MYPN: variants seen among roughly 807,000 people sequenced by gnomAD.
MYPN encodes myopalladin, also known as sarcomeric protein myopalladin, 145 kDa (MYOP).
A neutral mutation model predicts 129.4 loss-of-function variants in MYPN; 63 were observed. That is an observed-to-expected ratio of 0.49 (90% CI 0.40 to 0.60). The LOEUF (loss-of-function observed/expected upper bound fraction) is 0.60. Among genes scored for constraint, MYPN ranks in the 20% least tolerant of loss-of-function variants. The pLI, the probability that MYPN is intolerant of heterozygous loss-of-function variation, is 0.00. For synonymous variants in MYPN, 629 were observed against 600.9 expected (o/e 1.05, Z -0.68); for missense variants, 1,596 against 1,635.4 (o/e 0.98, Z 0.42).
chr10:68,195,310 T>C (rs2043586016), intron 14 of MYPN, 140 bp from the exon 15 acceptor site: 1 of 722,936 alleles, frequency 1.4e-6, no homozygotes, highest in Non-Finnish European at 2.5e-6. Context: ...AAATCATATT[T>C]TATTGTTTTT....
At chr10:68,107,896 G>T (rs1288698777), upstream of MYPN, among the ~76,000 whole-genome samples, 3 of 152,102 alleles carry the variant, frequency 2.0e-5, no homozygotes, top group Admixed American at 6.6e-5. Flanking sequence ...TGAAATAGAG[G>T]TTCTATTCTC....
intron 1 of MYPN, among the ~76,000 whole-genome samples, chr10:68,089,588 G>A (rs746845991): frequency 3.3e-5 from 5 of 151,824 alleles, no homozygotes; most frequent in African/African-American, 4.8e-5. Flanking sequence ...CCCATGATTC[G>A]CCCGCTTCAG....
chr10:68,174,177 G>C lies in MYPN; in HGVS notation c.2085G>C (p.Leu695Phe). The part of the protein sequence containing the change: ...PKEFPFSMTV[L>F]NSNAPPAVTT... ...AGTTTCCTTTCAGCATGACTGTTTT[G>C]AACTCCAATGCTCCCCCAGCGGTGA... Residue 695 changes from leucine to phenylalanine, a missense_variant, in exon 11 of 20, where the codon TTG becomes TTC. Leu to Phe is a conservative substitution (Grantham distance 22, BLOSUM62 0). Transcript: ENST00000358913. The C allele has an allele frequency of 6.2e-7, 1 of 1,613,944 alleles. No individual in the cohort carries two copies. Among genetic ancestry groups the C allele is most frequent in the South Asian group, 1.1e-5 (1 of 91,066 alleles).
At chr10:68,131,388 CA>C (rs1356877581) in intron 2 of MYPN, among the ~76,000 whole-genome samples, 289 of 112,672 alleles carry the variant, frequency 2.6e-3, no homozygotes, top group Admixed American at 3.0e-3. Context: ...GACTGTGTCT[CA>C]AAAAAAAAAA....
intron 1 of MYPN, among the ~76,000 whole-genome samples, chr10:68,113,868 C>G (rs1227449340): frequency 6.6e-6 from 1 of 152,064 alleles, no homozygotes; most frequent in Admixed American, 6.6e-5. Context: ...TATCCATAGC[C>G]TCACATACTT....
intron 2 of MYPN, among the ~76,000 whole-genome samples, chr10:68,137,183 A>G (rs923139715): frequency 6.6e-6 from 1 of 152,206 alleles, no homozygotes; most frequent in African/African-American, 2.4e-5. Context: ...ATTTAGTGAG[A>G]AGAGTAGCAT....
intron 2 of MYPN, among the ~76,000 whole-genome samples, chr10:68,127,744 A>G (rs1037032327): frequency 6.6e-6 from 1 of 152,192 alleles, no homozygotes; most frequent in East Asian, 1.9e-4. Flanking sequence ...CTTTTGAGGC[A>G]TCTCCACAGG....
intron 15 of MYPN, among the ~76,000 whole-genome samples, chr10:68,195,999 C>G (rs1298617014): frequency 6.6e-6 from 1 of 151,924 alleles, no homozygotes; most frequent in Non-Finnish European, 1.5e-5. Context: ...AGACAGGTGT[C>G]TCACTATGTT....
chr10:68,088,565 T>C (rs1217912429), intron 1 of MYPN, among the ~76,000 whole-genome samples: 4 of 152,200 alleles, frequency 2.6e-5, no homozygotes, highest in African/African-American at 9.7e-5. Context: ...CTCCATTGTT[T>C]CTATAAGTTT....
At chr10:68,184,141 A>G (rs1029847118) in intron 12 of MYPN, among the ~76,000 whole-genome samples, 2 of 152,126 alleles carry the variant, frequency 1.3e-5, no homozygotes, top group Non-Finnish European at 2.9e-5. Flanking sequence ...CTCTTCATCC[A>G]TCAAGTTTTT....
At chr10:68,132,328 T>C (rs1441685807) in intron 2 of MYPN, among the ~76,000 whole-genome samples, 1 of 152,250 alleles carries the variant, frequency 6.6e-6, no homozygotes, top group Admixed American at 6.5e-5. Flanking sequence ...TTGAATTCTT[T>C]GGATAAACAC....
chr10:68,154,903 G>C (rs945613342), intron 6 of MYPN, among the ~76,000 whole-genome samples: 21 of 152,196 alleles, frequency 1.4e-4, no homozygotes, highest in African/African-American at 5.1e-4. Flanking sequence ...TTTCAGGCCA[G>C]GCACGGTGGC....
At chr10:68,106,947 T>C, upstream of MYPN, 1 of 620,006 alleles carries the variant, frequency 1.6e-6, no homozygotes, top group East Asian at 2.7e-5. Context: ...TAACCAACCT[T>C]GTGTTTGCTT....
chr10:68,136,527 C>A, intron 2 of MYPN: 2 of 1,409,620 alleles, frequency 1.4e-6, no homozygotes, highest in Non-Finnish European at 1.8e-6. Context: ...CAGAAGCCAG[C>A]CTGATCCCTG....
intron 2 of MYPN, among the ~76,000 whole-genome samples, chr10:68,125,166 A>G (rs184895432): frequency 3.3e-5 from 5 of 152,324 alleles, no homozygotes; most frequent in Admixed American, 2.0e-4. Flanking sequence ...CATTCCCCAC[A>G]AAGCAAAGTA....
Position 68,126,491 on chromosome 10 carries a change from T to A in MYPN, c.902+4151T>A, listed in dbSNP as rs1249305059. ...AAGAATAAGTCACACCTGGAAAAAA[T>A]GAAGCCATGAAGCCACTTAGGAAGC... On this transcript the variant is annotated intron_variant, in intron 2 of 19. Transcript: ENST00000358913. Among the ~76,000 whole-genome samples, 4 of 152,136 alleles carry A rather than the reference T, an allele frequency of 2.6e-5. No individual in the cohort carries two copies. In the East Asian group the frequency reaches 7.7e-4, roughly 29 times the overall value.
At chr10:68,146,271 G>A (rs2042665501) in intron 4 of MYPN, among the ~76,000 whole-genome samples, 1 of 152,040 alleles carries the variant, frequency 6.6e-6, no homozygotes, top group African/African-American at 2.4e-5. Context: ...TCACTCCTTT[G>A]TTCAAGCTAT....
At chr10:68,205,160 C>T (rs1182977218) in intron 18 of MYPN, among the ~76,000 whole-genome samples, 1 of 152,146 alleles carries the variant, frequency 6.6e-6, no homozygotes, top group Non-Finnish European at 1.5e-5. Context: ...TTACATTTTT[C>T]TGTGAGCCTA....
chr10:68,096,288 T>G (rs970252618), intron 1 of MYPN, among the ~76,000 whole-genome samples: 6 of 152,222 alleles, frequency 3.9e-5, no homozygotes, highest in Non-Finnish European at 7.3e-5. Context: ...TTTTCTCATA[T>G]GTGAAACATG....
Sources: allele counts gnomAD v4.1 joint callset (sites outside exome capture counted in the v4.1 genomes callset), GRCh38; gene constraint gnomAD v4.1.1; transcripts MANE v1.5; gene names NCBI Gene and HGNC (gene_info 2026-07-23, HGNC 2026-07-21).